The following RAD51B variants were observed in gnomAD, a reference collection of about 807,000 sequenced individuals.
The protein encoded by RAD51B is DNA repair protein RAD51 homolog 2.
In RAD51B, 38 loss-of-function variants were observed where a neutral mutation model predicts 42.2. That is an observed-to-expected ratio of 0.90 (90% confidence interval 0.70 to 1.18). The LOEUF (loss-of-function observed/expected upper bound fraction) is 1.18. Among genes scored for constraint, RAD51B ranks in the 50% most tolerant of loss-of-function variants. The pLI is 0.00. For synonymous variants in RAD51B, 154 were observed against 145.2 expected, an observed-to-expected ratio of 1.06 and a Z score of -0.43; for missense variants, 373 against 400.7, an observed-to-expected ratio of 0.93 and a Z score of 0.59.
chr14:68,150,699 T>C (rs1039602730), intron 7 of RAD51B, among the ~76,000 whole-genome samples: 2 of 152,174 alleles, frequency 1.3e-5, no homozygotes, highest in Admixed American at 1.3e-4. Flanking sequence ...TTTTTATGAT[T>C]CCATTTACCT....
At chr14:68,201,392 C>T (rs1042981558) in intron 7 of RAD51B, among the ~76,000 whole-genome samples, 5 of 152,184 alleles carry the variant, frequency 3.3e-5, no homozygotes, top group African/African-American at 1.2e-4. Flanking sequence ...CTGAAGTACT[C>T]ATGCATATAA....
chr14:68,076,021 T>C (rs1042437751), intron 7 of RAD51B, among the ~76,000 whole-genome samples: 1 of 152,194 alleles, frequency 6.6e-6, no homozygotes, highest in Non-Finnish European at 1.5e-5. Flanking sequence ...AGGAGTAACA[T>C]GGGCAGGGTT....
At chr14:68,419,404 A>ATCTTATATAAGATAT (rs2140102490) in intron 9 of RAD51B, among the ~76,000 whole-genome samples, 1 of 149,712 alleles carries the variant, frequency 6.7e-6, no homozygotes, top group Admixed American at 6.6e-5. Context: ...AGTGGTTTAT[A>ATCTTATATAAGATAT]AAGAGCTCCT....
intron 7 of RAD51B, among the ~76,000 whole-genome samples, chr14:68,258,901 AG>A (rs2080816543): frequency 6.6e-6 from 1 of 152,242 alleles, no homozygotes; most frequent in African/African-American, 2.4e-5. Context: ...TATCAAGAGC[AG>A]GAGCCTTCCT....
chr14:67,979,268 GC>G (rs2075048925), intron 7 of RAD51B, among the ~76,000 whole-genome samples: 1 of 152,156 alleles, frequency 6.6e-6, no homozygotes, highest in Admixed American at 6.5e-5. Context: ...ATATCTAAAT[GC>G]AGTTAAAATA....
intron 10 of RAD51B, among the ~76,000 whole-genome samples, chr14:68,548,124 TTC>T (rs148163476): frequency 1.8e-4 from 28 of 152,182 alleles, no homozygotes; most frequent in Non-Finnish European, 3.5e-4. Flanking sequence ...TATTCTCATG[TTC>T]TCTCTCTGTT....
At chr14:68,435,866 G>A (rs1218923577) in intron 9 of RAD51B, among the ~76,000 whole-genome samples, 2 of 152,056 alleles carry the variant, frequency 1.3e-5, no homozygotes, top group Non-Finnish European at 2.9e-5. Flanking sequence ...ATTTTTTAAT[G>A]GGGTTATTTA....
downstream of RAD51B, among the ~76,000 whole-genome samples, chr14:68,612,385 G>T (rs1891711839): frequency 6.6e-6 from 1 of 152,224 alleles, no homozygotes; most frequent in Admixed American, 6.5e-5. Context: ...TCTGTCTGGG[G>T]ATGTGTTTGC....
At chr14:68,264,554 A>G (rs530581415) in intron 7 of RAD51B, among the ~76,000 whole-genome samples, 4 of 152,240 alleles carry the variant, frequency 2.6e-5, no homozygotes, top group Non-Finnish European at 4.4e-5. Context: ...TGCCAGAAGT[A>G]CAGGAGGCAT....
rs577893959 is a variant in RAD51B, at chr14:68,093,880, G to A, written c.757-198004G>A. 1.4e-4 allele frequency among the ~76,000 whole-genome samples: 22 copies of A among 152,282 alleles called. No homozygotes were observed. In the South Asian group the frequency reaches 4.3e-3, roughly 30 times the overall value. On this transcript the variant is annotated intron_variant, in intron 7 of 10. Transcript: ENST00000471583. Reference sequence around the variant, plus strand: ...GTATGTACTGAGGGGTAGGATTGTAGGGTCATCAAGCATACACACCCTGAT... The same window carrying A: ...GTATGTACTGAGGGGTAGGATTGTAAGGTCATCAAGCATACACACCCTGAT...
At chr14:68,421,777 C>G in intron 9 of RAD51B, 1 of 1,598,578 alleles carries the variant, frequency 6.3e-7, no homozygotes, top group Non-Finnish European at 8.5e-7. Context: ...CTCCATGCCT[C>G]CACAATATTC....
At chr14:68,652,069 G>A (rs1566964466) in intron 11 of RAD51B, among the ~76,000 whole-genome samples, 1 of 152,190 alleles carries the variant, frequency 6.6e-6, no homozygotes, top group African/African-American at 2.4e-5. Context: ...CTTTCCTAGA[G>A]ACCAAGGGTT....
intron 9 of RAD51B, among the ~76,000 whole-genome samples, chr14:68,457,526 T>C (rs1594866475): frequency 6.6e-6 from 1 of 152,298 alleles, no homozygotes; most frequent in East Asian, 1.9e-4. Flanking sequence ...TTTGACTGTA[T>C]AAATTTGCAT....
chr14:67,906,701 C>G (rs2043791409), intron 7 of RAD51B, among the ~76,000 whole-genome samples: 1 of 152,006 alleles, frequency 6.6e-6, no homozygotes, highest in Admixed American at 6.6e-5. Flanking sequence ...GTAATAATCT[C>G]TGAGGGTTTT....
intron 7 of RAD51B, among the ~76,000 whole-genome samples, chr14:68,290,649 A>G (rs2081497967): frequency 6.6e-6 from 1 of 152,198 alleles, no homozygotes. Context: ...ATTTTATGTT[A>G]GAATTTAACT....
At chr14:68,070,492 A>C (rs887269312) in intron 7 of RAD51B, among the ~76,000 whole-genome samples, 1 of 152,178 alleles carries the variant, frequency 6.6e-6, no homozygotes, top group African/African-American at 2.4e-5. Flanking sequence ...AATCATTTGC[A>C]TATGGCTAGC....
intron 11 of RAD51B, among the ~76,000 whole-genome samples, chr14:68,654,942 C>T (rs963919813): frequency 6.6e-6 from 1 of 152,238 alleles, no homozygotes; most frequent in African/African-American, 2.4e-5. Context: ...CCAGCTCCCT[C>T]CCCCCCTGCC....
At chr14:68,353,692 C>T (rs747946436) in intron 8 of RAD51B, among the ~76,000 whole-genome samples, 9 of 152,132 alleles carry the variant, frequency 5.9e-5, no homozygotes, top group Non-Finnish European at 8.8e-5. Context: ...AGCACAGAGC[C>T]GGGCGTTGGG....
intron 10 of RAD51B, among the ~76,000 whole-genome samples, chr14:68,503,983 G>A (rs913455891): frequency 5.9e-5 from 9 of 152,308 alleles, no homozygotes; most frequent in Admixed American, 3.3e-4. Context: ...AAAACTTCAC[G>A]GTGGTGGTGT....
Sources: allele counts gnomAD v4.1 joint callset (sites outside exome capture counted in the v4.1 genomes callset), GRCh38; gene constraint gnomAD v4.1.1; transcripts MANE v1.5; gene names NCBI Gene and HGNC (gene_info 2026-07-23, HGNC 2026-07-21).